DGKI: variants seen among roughly 807,000 people sequenced by gnomAD.
The protein encoded by DGKI is DAG kinase iota.
Under a neutral mutation model 147.5 loss-of-function variants are expected in DGKI, and 55 were observed. That is an observed-to-expected ratio of 0.37 (90% confidence interval 0.30 to 0.47). The LOEUF (loss-of-function observed/expected upper bound fraction) is 0.47, where lower values mean the gene tolerates loss of function less well. Ranked by LOEUF, DGKI falls within the 20% of genes least tolerant of loss-of-function variation. The probability of loss-of-function intolerance (pLI) is 1.00; values close to 1 mark genes in which losing one functional copy is unlikely to be tolerated. For synonymous variants in DGKI, 469 were observed against 477.1 expected, an observed-to-expected ratio of 0.98 and a Z score of 0.22; for missense variants, 1,007 against 1,323.8, an observed-to-expected ratio of 0.76 and a Z score of 3.71.
At chr7:137,651,784 G>A (rs769097356) in intron 5 of DGKI, among the ~76,000 whole-genome samples, 13 of 152,122 alleles carry the variant, frequency 8.5e-5, no homozygotes, top group Non-Finnish European at 1.8e-4. Context: ...AAGAAAATTA[G>A]GAAAGGGTGA....
intron 1 of DGKI, among the ~76,000 whole-genome samples, chr7:137,749,293 A>T (rs1795430502): frequency 6.6e-6 from 1 of 152,180 alleles, no homozygotes; most frequent in Admixed American, 6.5e-5. Context: ...GGTGAGGACC[A>T]GGAGCCCCCC....
At chr7:137,572,067 A>G (rs1169544777) in intron 18 of DGKI, among the ~76,000 whole-genome samples, 2 of 152,218 alleles carry the variant, frequency 1.3e-5, no homozygotes, top group Non-Finnish European at 2.9e-5. Flanking sequence ...ACAGATTTAC[A>G]TACAACTCTC....
At chr7:137,525,635 A>G (rs1817117944) in intron 20 of DGKI, among the ~76,000 whole-genome samples, 2 of 152,194 alleles carry the variant, frequency 1.3e-5, no homozygotes, top group East Asian at 1.9e-4. Context: ...TGATATCAGT[A>G]TCCACCTCAT....
intron 1 of DGKI, among the ~76,000 whole-genome samples, chr7:137,840,241 C>A (rs1385046025): frequency 6.6e-6 from 1 of 152,178 alleles, no homozygotes; most frequent in East Asian, 1.9e-4. Context: ...CTTAGAGTCA[C>A]TAAGCGGACT....
At chr7:137,842,894 G>A (rs1347016718) in intron 1 of DGKI, among the ~76,000 whole-genome samples, 1 of 152,086 alleles carries the variant, frequency 6.6e-6, no homozygotes, top group Non-Finnish European at 1.5e-5. Context: ...TACAGATGAG[G>A]GGGAAGATAA....
intron 21 of DGKI, among the ~76,000 whole-genome samples, chr7:137,492,020 G>T (rs1200578854): frequency 6.6e-6 from 1 of 152,216 alleles, no homozygotes; most frequent in African/African-American, 2.4e-5. Flanking sequence ...GGCAAAGCCA[G>T]AAATGGGACA....
chr7:137,598,296 A>G (rs1025180653), intron 11 of DGKI, among the ~76,000 whole-genome samples: 1 of 152,070 alleles, frequency 6.6e-6, no homozygotes, highest in African/African-American at 2.4e-5. Context: ...GATAATCAGT[A>G]GTCCTTATAT....
chr7:137,750,087 C>T (rs1246796109), intron 1 of DGKI, among the ~76,000 whole-genome samples: 1 of 152,146 alleles, frequency 6.6e-6, no homozygotes, highest in Non-Finnish European at 1.5e-5. Flanking sequence ...GACAAAAGAA[C>T]ATATCAGCAG....
chr7:137,485,484 C>G (rs546353652), intron 22 of DGKI, 66 bp from the exon 23 acceptor site: 5 of 1,245,716 alleles, frequency 4.0e-6, no homozygotes, highest in African/African-American at 1.5e-5. Flanking sequence ...CCCCACAACT[C>G]AATCTCAACT....
chr7:137,713,208 A>T (rs1462878111), intron 1 of DGKI, among the ~76,000 whole-genome samples: 1 of 152,204 alleles, frequency 6.6e-6, no homozygotes, highest in Non-Finnish European at 1.5e-5. Flanking sequence ...TCATTGATAA[A>T]CATAGCAACC....
intron 1 of DGKI, among the ~76,000 whole-genome samples, chr7:137,751,593 C>T (rs1795491744): frequency 6.6e-6 from 1 of 152,168 alleles, no homozygotes; most frequent in Non-Finnish European, 1.5e-5. Flanking sequence ...AAGACACTAG[C>T]ACTTTCTAAA....
chr7:137,484,933 A>G (rs566553125), intron 23 of DGKI, among the ~76,000 whole-genome samples: 2 of 152,148 alleles, frequency 1.3e-5, no homozygotes, highest in East Asian at 1.9e-4. Context: ...TTGGACCACA[A>G]AGTCATCTAG....
intron 13 of DGKI, among the ~76,000 whole-genome samples, chr7:137,586,280 T>G (rs1038546809): frequency 6.6e-6 from 1 of 151,968 alleles, no homozygotes; most frequent in Admixed American, 6.6e-5. Context: ...CAAAAAAAAT[T>G]AGCTGCACAG....
intron 1 of DGKI, among the ~76,000 whole-genome samples, chr7:137,801,718 C>G (rs905434539): frequency 6.6e-6 from 1 of 152,128 alleles, no homozygotes; most frequent in Non-Finnish European, 1.5e-5. Flanking sequence ...TTTATATGCA[C>G]AGGCTTGCAC....
chr7:137,460,909 T>A (rs1057052551), intron 27 of DGKI, among the ~76,000 whole-genome samples: 1 of 152,216 alleles, frequency 6.6e-6, no homozygotes, highest in Non-Finnish European at 1.5e-5. Context: ...TTATTTTGAT[T>A]AGAACATAGT....
intron 6 of DGKI, among the ~76,000 whole-genome samples, chr7:137,635,911 G>A (rs1821292970): frequency 6.6e-6 from 1 of 152,194 alleles, no homozygotes; most frequent in Admixed American, 6.5e-5. Flanking sequence ...TAAATCCCAT[G>A]ACGGTGAATT....
intron 28 of DGKI, among the ~76,000 whole-genome samples, chr7:137,424,777 C>A (rs952148108): frequency 3.9e-5 from 6 of 152,198 alleles, no homozygotes; most frequent in African/African-American, 7.2e-5. Context: ...CACGGAATCT[C>A]GCTGATTGCT....
At chr7:137,713,990 ACT>A (rs1326982903) in intron 1 of DGKI, among the ~76,000 whole-genome samples, 2 of 151,928 alleles carry the variant, frequency 1.3e-5, no homozygotes, top group East Asian at 3.9e-4. Flanking sequence ...TTTTTCAGAA[ACT>A]CTCCCATTTC....
intron 1 of DGKI, among the ~76,000 whole-genome samples, chr7:137,812,163 G>C (rs1195545210): frequency 6.6e-6 from 1 of 152,162 alleles, no homozygotes; most frequent in Non-Finnish European, 1.5e-5. Context: ...TAGTGTAAAG[G>C]AGAAAGTTCA....
Sources: gnomAD v4.1 joint callset for allele counts (sites outside exome capture counted in the v4.1 genomes callset) on GRCh38, gnomAD v4.1.1 for gene constraint, MANE v1.5 for transcripts, NCBI Gene and HGNC (gene_info 2026-07-23, HGNC 2026-07-21) for gene names.